The following HTR4 variants were observed in gnomAD, a reference collection of about 807,000 sequenced individuals.
HTR4 encodes the protein 5-hydroxytryptamine receptor 4.
HTR4 carries 16 observed loss-of-function variants against 36.8 expected under a neutral mutation model. The ratio of observed to expected loss-of-function variants is 0.43; its 90% CI spans 0.29 to 0.66. HTR4 has a LOEUF of 0.66. Among genes scored for constraint, HTR4 ranks in the 30% least tolerant of loss-of-function variants. HTR4 has a pLI of 0.13. For synonymous variants in HTR4, 189 were observed against 185.1 expected (o/e 1.02, Z -0.17); for missense variants, 438 against 490.9 (o/e 0.89, Z 1.02).
chr5:148,625,816 T>C (rs1753081628), intron 2 of HTR4, among the ~76,000 whole-genome samples: 1 of 152,108 alleles, frequency 6.6e-6, no homozygotes, highest in Admixed American at 6.5e-5. Flanking sequence ...CTTGACCTCG[T>C]GATCCACCCA....
rs184241670 is a variant in HTR4 at position 148,460,102 on chromosome 5, T to G, written c.1077-8830A>C. 5.5e-3 allele frequency among the ~76,000 whole-genome samples: 701 copies of G among 128,470 alleles called. 6 individuals carry two copies. The highest frequency in any genetic ancestry group is 9.4e-3 in the Non-Finnish European group (556 of 59,190). The allele number at this position is 128,470 out of a possible 152,430, so 84.3% of individuals were successfully genotyped here. Reference sequence around the variant, plus strand: ...CAATAGAAACCTCCAAAATTGAAAATAAAAAAAAGACAGAAAAAAAATACA... The same window carrying G: ...CAATAGAAACCTCCAAAATTGAAAAGAAAAAAAAGACAGAAAAAAAATACA... On this transcript the variant is annotated intron_variant, in intron 5 of 5. Coordinates refer to the HTR4 transcript ENST00000521530.
chr5:148,563,559 C>T (rs1760307800), intron 2 of HTR4, among the ~76,000 whole-genome samples: 1 of 152,152 alleles, frequency 6.6e-6, no homozygotes, highest in African/African-American at 2.4e-5. Context: ...CAGTACCTAG[C>T]ACATAGTAGT....
At chr5:148,607,953 C>A (rs1752248355) in intron 2 of HTR4, among the ~76,000 whole-genome samples, 1 of 151,994 alleles carries the variant, frequency 6.6e-6, no homozygotes, top group South Asian at 2.1e-4. Context: ...AATCATTGAT[C>A]CCTAGAGAAT....
At chr5:148,630,092 T>C (rs1212124656) in intron 2 of HTR4, 2 of 152,184 alleles carry the variant, frequency 1.3e-5, no homozygotes, top group East Asian at 1.9e-4. Flanking sequence ...AGGAGGATCA[T>C]GAGGCTTCTT....
chr5:148,519,199 A>G (rs1362193234), intron 5 of HTR4, among the ~76,000 whole-genome samples: 1 of 152,204 alleles, frequency 6.6e-6, no homozygotes, highest in South Asian at 2.1e-4. Flanking sequence ...AAACATGTGA[A>G]GAATTTAGTA....
At chr5:148,602,277 A>G (rs1762026469) in intron 2 of HTR4, among the ~76,000 whole-genome samples, 1 of 152,184 alleles carries the variant, frequency 6.6e-6, no homozygotes, top group South Asian at 2.1e-4. Context: ...CCATAAACAT[A>G]TACAGCTTTT....
At chr5:148,626,440 C>T (rs1303150774) in intron 2 of HTR4, among the ~76,000 whole-genome samples, 2 of 152,150 alleles carry the variant, frequency 1.3e-5, no homozygotes, top group African/African-American at 4.8e-5. Context: ...TACATCATAA[C>T]CCTAATGAGT....
At chr5:148,523,427 A>C in intron 4 of HTR4, 81 bp from the exon 5 acceptor site, 18 of 1,167,244 alleles carry the variant, frequency 1.5e-5, no homozygotes, top group South Asian at 1.8e-5. Flanking sequence ...ATGAGAGAGA[A>C]AAGGGGAGGA....
At chr5:148,624,091 G>A (rs980944484) in intron 2 of HTR4, among the ~76,000 whole-genome samples, 2 of 152,126 alleles carry the variant, frequency 1.3e-5, no homozygotes, top group African/African-American at 4.8e-5. Context: ...AGTCTTAGGG[G>A]TTTATGGTTA....
At chr5:148,602,337 T>C (rs929831474) in intron 2 of HTR4, among the ~76,000 whole-genome samples, 7 of 152,114 alleles carry the variant, frequency 4.6e-5, no homozygotes, top group African/African-American at 1.7e-4. Context: ...AACTGGGGAA[T>C]TTTTTAATAT....
chr5:148,639,645 A>ATATG (rs56995835), intron 1 of HTR4, among the ~76,000 whole-genome samples: 1 of 144,248 alleles, frequency 6.9e-6, no homozygotes, highest in Non-Finnish European at 1.5e-5. Flanking sequence ...ATATATATAT[A>ATATG]GTCAATTGCT....
intron 2 of HTR4, among the ~76,000 whole-genome samples, chr5:148,631,681 G>C (rs1753328408): frequency 6.6e-6 from 1 of 151,944 alleles, no homozygotes; most frequent in Admixed American, 6.6e-5. Flanking sequence ...TTTTCTGTTT[G>C]CTAAGATTGG....
intron 6 of HTR4, chr5:148,484,441 A>G (rs1756054276): frequency 6.7e-7 from 1 of 1,492,584 alleles, no homozygotes; most frequent in Non-Finnish European, 9.2e-7. Context: ...TACTTACACA[A>G]GCTATGAGTC....
chr5:148,572,448 A>T (rs187259595), intron 2 of HTR4, among the ~76,000 whole-genome samples: 18 of 152,230 alleles, frequency 1.2e-4, no homozygotes. Flanking sequence ...ATGTAATAAT[A>T]TTTTAATTTA....
chr5:148,639,470 C>A (rs1425501271), intron 1 of HTR4, among the ~76,000 whole-genome samples: 2 of 151,848 alleles, frequency 1.3e-5, no homozygotes, highest in African/African-American at 4.8e-5. Context: ...TGGAATGTGA[C>A]CATGTAGATT....
intron 6 of HTR4, among the ~76,000 whole-genome samples, chr5:148,507,087 C>A (rs374762772): frequency 6.6e-6 from 1 of 151,868 alleles, no homozygotes; most frequent in Non-Finnish European, 1.5e-5. Flanking sequence ...ATGTTTATTG[C>A]GGCACTATTC....
At chr5:148,457,828 T>TACC (rs371588880) in intron 5 of HTR4, among the ~76,000 whole-genome samples, 1 of 134,972 alleles carries the variant, frequency 7.4e-6, no homozygotes, top group Non-Finnish European at 1.6e-5. Flanking sequence ...ATCATTAAAA[T>TACC]ATATATTTTG....
intron 2 of HTR4, among the ~76,000 whole-genome samples, chr5:148,557,433 G>C (rs2113860871): frequency 6.6e-6 from 1 of 152,276 alleles, no homozygotes; most frequent in African/African-American, 2.4e-5. Flanking sequence ...CATTAAGTGT[G>C]AGATACCTAT....
chr5:148,536,890 GA>G lies in HTR4; in HGVS notation c.353+11777del, dbSNP rs532743077. Among the ~76,000 whole-genome samples the G allele has an allele frequency of 9.9e-4, 150 of 152,220 alleles. 1 individual carries two copies. Among genetic ancestry groups the G allele is most frequent in the African/African-American group, 3.5e-3 (146 of 41,558 alleles). On this transcript the variant is annotated intron_variant, in intron 4 of 6. Transcript: ENST00000377888. ...AACTCAACATTGACCAAATGGACCTGATAGACTTCTACAGAACTCTCCACCC... is the reference window on the plus strand; with the variant it reads ...AACTCAACATTGACCAAATGGACCTGTAGACTTCTACAGAACTCTCCACCC...
Sources: allele counts gnomAD v4.1 joint callset (sites outside exome capture counted in the v4.1 genomes callset), GRCh38; gene constraint gnomAD v4.1.1; transcripts MANE v1.5; gene names NCBI Gene and HGNC (gene_info 2026-07-23, HGNC 2026-07-21).